The following ZNF362 variants were observed in gnomAD, a reference collection of about 807,000 sequenced individuals.
The protein encoded by ZNF362 is rotund homolog.
A neutral mutation model predicts 42.9 loss-of-function variants in ZNF362; 11 were observed. The observed-to-expected ratio is 0.26, with a 90% confidence interval of 0.16 to 0.42. ZNF362 has a LOEUF of 0.42. Ranked by LOEUF, ZNF362 falls within the 20% of genes least tolerant of loss-of-function variation. The pLI is 1.00. For synonymous variants in ZNF362, 255 were observed against 257.3 expected, an observed-to-expected ratio of 0.99 and a Z score of 0.09; for missense variants, 362 against 576.2, an observed-to-expected ratio of 0.63 and a Z score of 3.81.
the ZNF362 span, among the ~76,000 whole-genome samples, chr1:33,246,418 A>T: frequency 6.6e-6 from 1 of 152,174 alleles, no homozygotes; most frequent in Non-Finnish European, 1.5e-5. Flanking sequence ...CCCCACCAGG[A>T]ACACTCCCAA....
intron 6 of ZNF362, among the ~76,000 whole-genome samples, chr1:33,292,237 G>T (rs35227501): frequency 6.6e-6 from 1 of 152,150 alleles, no homozygotes; most frequent in African/African-American, 2.4e-5. Flanking sequence ...TTTGAGATAC[G>T]TCCCATCAAT....
chr1:33,138,626 C>CAAAAAAAAAAAAAAAAA, the ZNF362 span, among the ~76,000 whole-genome samples: 2 of 66,082 alleles, frequency 3.0e-5, no homozygotes. Context: ...ACAACAACAA[C>CAAAAAAAAAAAAAAAAA]AAAAAAAAAA....
chr1:33,226,202 G>A, the ZNF362 span, among the ~76,000 whole-genome samples: 2 of 152,034 alleles, frequency 1.3e-5, no homozygotes, highest in Non-Finnish European at 2.9e-5. Flanking sequence ...TCACAGCCTT[G>A]AGCTCATTAA....
chr1:33,300,121 A>T lies in ZNF362; in HGVS notation c.*1075A>T, dbSNP rs1030797013. On this transcript the variant is annotated 3_prime_UTR_variant, in exon 9 of 9. Coordinates refer to ENST00000539719, the MANE Select transcript of ZNF362 (RefSeq NM_152493.3). ...CGGTGTATATAGGAACCATGTACAG[A>T]GCCCAGAGAAGCCCCCTACATCCCC... 6.6e-6 allele frequency: 1 copy of T among 152,568 alleles called. No homozygotes were observed. Among genetic ancestry groups the T allele is most frequent in the South Asian group, 2.1e-4 (1 of 4,824 alleles). The allele number at this position is 152,568 out of a possible 1,614,324, so 9.5% of individuals were successfully genotyped here. A position where few individuals can be genotyped will look rare whatever the true frequency, so the allele number is the denominator to read the frequency against.
the ZNF362 span, chr1:33,181,501 G>A: frequency 2.7e-6 from 4 of 1,491,056 alleles, no homozygotes; most frequent in Non-Finnish European, 3.5e-6. This position sits in a 1 kb window ranked among gnomAD's most constrained non-coding sequence, Gnocchi z 6.5. Flanking sequence ...GGCGCTGTCG[G>A]AGGCAGCACC....
chr1:33,160,296 G>C, the ZNF362 span, among the ~76,000 whole-genome samples: 1 of 152,114 alleles, frequency 6.6e-6, no homozygotes, highest in Non-Finnish European at 1.5e-5. Flanking sequence ...ATAATGCCCA[G>C]GTTTCTGGCT....
At chr1:33,189,716 T>TAC in the ZNF362 span, among the ~76,000 whole-genome samples, 11 of 128,170 alleles carry the variant, frequency 8.6e-5, 1 homozygote, top group African/African-American at 3.1e-4. Context: ...TACGTATATA[T>TAC]ATACATACAC....
At chr1:33,257,562 TG>T (rs905571398) in intron 1 of ZNF362, among the ~76,000 whole-genome samples, 4 of 141,286 alleles carry the variant, frequency 2.8e-5, no homozygotes, top group Non-Finnish European at 6.1e-5. Flanking sequence ...GGGATGGGGG[TG>T]GGGGGGCGGA....
At chr1:33,177,256 T>G in the ZNF362 span, among the ~76,000 whole-genome samples, 1 of 152,320 alleles carries the variant, frequency 6.6e-6, no homozygotes, top group South Asian at 2.1e-4. The surrounding 1 kb of genome is among the most constrained non-coding windows in gnomAD (Gnocchi z 4.1). Flanking sequence ...CTCTGCTTCT[T>G]ATGTTAATTT....
the ZNF362 span, among the ~76,000 whole-genome samples, chr1:33,250,389 T>G: frequency 6.6e-6 from 1 of 152,156 alleles, no homozygotes; most frequent in Non-Finnish European, 1.5e-5. Context: ...ATATACACCA[T>G]GGAATACTAT....
rs565619673 is a variant in ZNF362, at chr1:33,281,222, C to T, written c.684-365C>T. Reference sequence around the variant, plus strand: ...GGGGCAGGCGTTGGTATTTCTTAGACGCTCCCCAGATGATTCTAATGAGCA... The same window carrying T: ...GGGGCAGGCGTTGGTATTTCTTAGATGCTCCCCAGATGATTCTAATGAGCA... On this transcript the variant is annotated intron_variant, in intron 5 of 8. Transcript: ENST00000539719. The surrounding 1 kb of genome is among the most constrained non-coding windows in gnomAD (Gnocchi z 4.8). Among the ~76,000 whole-genome samples, 7 of 152,266 alleles carry T rather than the reference C, an allele frequency of 4.6e-5. No homozygotes were observed. Among genetic ancestry groups the T allele is most frequent in the East Asian group, 1.9e-4 (1 of 5,176 alleles).
intron 2 of ZNF362, among the ~76,000 whole-genome samples, chr1:33,271,873 T>G (rs184265492): frequency 1.3e-5 from 2 of 152,258 alleles, no homozygotes; most frequent in African/African-American, 4.8e-5. Context: ...ACCAGGTGCA[T>G]GGCATAGGGG....
chr1:33,154,671 G>A, the ZNF362 span, among the ~76,000 whole-genome samples: 1 of 151,530 alleles, frequency 6.6e-6, no homozygotes, highest in Non-Finnish European at 1.5e-5. Context: ...AGTGGCGTGT[G>A]CCTGTAATCC....
At chr1:33,285,742 C>T (rs757902543) in intron 6 of ZNF362, among the ~76,000 whole-genome samples, 1 of 152,180 alleles carries the variant, frequency 6.6e-6, no homozygotes, top group Admixed American at 6.5e-5. Context: ...GCAGCTGTCA[C>T]TCTAGTGTTT....
intron 1 of ZNF362, among the ~76,000 whole-genome samples, chr1:33,265,236 C>T (rs1199418628): frequency 3.3e-5 from 5 of 151,410 alleles, no homozygotes; most frequent in Admixed American, 2.6e-4. Flanking sequence ...TAGATGAGGG[C>T]ACTGAGGCTC....
At chr1:33,141,366 T>A in the ZNF362 span, among the ~76,000 whole-genome samples, 3 of 152,188 alleles carry the variant, frequency 2.0e-5, no homozygotes, top group Non-Finnish European at 4.4e-5. Flanking sequence ...CCCTCCCCTA[T>A]GTGCTGACTG....
At position 33,299,071 on chromosome 1, in the gene ZNF362, C is replaced by T. The variant is rs201193960; in HGVS notation, c.*25C>T. Reference sequence around the variant, plus strand: ...AGCCCACTGGAGGCGCCGCCCCACCCGGCCCACTGGCAGACACAGACCCAG... The same window carrying T: ...AGCCCACTGGAGGCGCCGCCCCACCTGGCCCACTGGCAGACACAGACCCAG... On this transcript the variant is annotated 3_prime_UTR_variant, in exon 9 of 9. Coordinates refer to ENST00000539719, the MANE Select transcript of ZNF362 (RefSeq NM_152493.3). 55 of 1,581,514 alleles carry T rather than the reference C, an allele frequency of 3.5e-5. No individual in the cohort carries two copies. The East Asian group carries it at 6.9e-4, about 20-fold the overall frequency.
chr1:33,193,206 G>A, the ZNF362 span, among the ~76,000 whole-genome samples: 1 of 152,198 alleles, frequency 6.6e-6, no homozygotes, highest in Non-Finnish European at 1.5e-5. Flanking sequence ...AGCTAGGAAA[G>A]AGTCACCTGG....
At chr1:33,175,752 T>C in the ZNF362 span, among the ~76,000 whole-genome samples, 1 of 152,010 alleles carries the variant, frequency 6.6e-6, no homozygotes, top group Non-Finnish European at 1.5e-5. Context: ...ACTCAGGGAG[T>C]AGGGAACGAA....
Sources: gnomAD v4.1 joint callset for allele counts (sites outside exome capture counted in the v4.1 genomes callset) on GRCh38, gnomAD v4.1.1 for gene constraint, Gnocchi (gnomAD v3.1) non-coding constraint, MANE v1.5 for transcripts, NCBI Gene and HGNC (gene_info 2026-07-23, HGNC 2026-07-21) for gene names.